CPEB3: variants seen among roughly 807,000 people sequenced by gnomAD.
CPEB3 encodes the protein cytoplasmic polyadenylation element binding protein 3.
In CPEB3, 20 loss-of-function variants were observed where a neutral mutation model predicts 67.2. That is an observed-to-expected ratio of 0.30 (90% CI 0.21 to 0.43). The LOEUF (loss-of-function observed/expected upper bound fraction) is 0.43, where lower values mean the gene tolerates loss of function less well. Ranked by LOEUF, CPEB3 falls within the 20% of genes least tolerant of loss-of-function variation. CPEB3 has a pLI of 1.00. For synonymous variants in CPEB3, 376 were observed against 393.1 expected (o/e 0.96, Z 0.51); for missense variants, 746 against 968.6 (o/e 0.77, Z 3.05).
At chr10:92,065,135 C>A (rs1842496086) in intron 9 of CPEB3, among the ~76,000 whole-genome samples, 1 of 152,126 alleles carries the variant, frequency 6.6e-6, no homozygotes, top group South Asian at 2.1e-4. Flanking sequence ...AGATAATGTC[C>A]CCCATATTGG....
intron 3 of CPEB3, among the ~76,000 whole-genome samples, chr10:92,187,788 CAT>C (rs1223433115): frequency 1.3e-5 from 2 of 152,170 alleles, no homozygotes; most frequent in Non-Finnish European, 2.9e-5. Flanking sequence ...CCTTAATCCT[CAT>C]AGTTATGAAG....
intron 6 of CPEB3, chr10:92,119,082 T>G (rs1845194465): frequency 6.3e-7 from 1 of 1,582,720 alleles, no homozygotes; most frequent in South Asian, 1.1e-5. Context: ...GGAAAAGGCC[T>G]GAAGATTCCC....
chr10:92,135,224 G>A (rs1024131375), intron 6 of CPEB3, among the ~76,000 whole-genome samples: 4 of 152,162 alleles, frequency 2.6e-5, no homozygotes, highest in African/African-American at 9.7e-5. Context: ...AGAGTGAGCA[G>A]GTAACCTACA....
intron 2 of CPEB3, among the ~76,000 whole-genome samples, chr10:92,200,650 T>C (rs573517605): frequency 6.6e-6 from 1 of 152,174 alleles, no homozygotes; most frequent in African/African-American, 2.4e-5. Context: ...TAAAGCTTTT[T>C]ATCAGATTGT....
chr10:92,166,112 C>CTT (rs869279355), intron 4 of CPEB3, among the ~76,000 whole-genome samples: 4 of 143,096 alleles, frequency 2.8e-5, no homozygotes, highest in Admixed American at 7.0e-5. Flanking sequence ...ATTTCTTTTT[C>CTT]TTTTTTTTTT....
chr10:92,132,608 A>T (rs758992226), intron 6 of CPEB3, among the ~76,000 whole-genome samples: 4 of 151,820 alleles, frequency 2.6e-5, no homozygotes, highest in Non-Finnish European at 4.4e-5. Flanking sequence ...AAATGGGGGA[A>T]GGTTAAGAAG....
At chr10:92,217,248 T>TATACACAC (rs1276898077) in intron 2 of CPEB3, among the ~76,000 whole-genome samples, 2 of 127,272 alleles carry the variant, frequency 1.6e-5, no homozygotes, top group African/African-American at 6.3e-5. Flanking sequence ...TATATATATA[T>TATACACAC]ACACACACAC....
chr10:92,099,118 T>C (rs1351930651), intron 7 of CPEB3, among the ~76,000 whole-genome samples: 1 of 151,772 alleles, frequency 6.6e-6, no homozygotes, highest in Non-Finnish European at 1.5e-5. Flanking sequence ...TATAGCTCCA[T>C]ATAAAAACTA....
At chr10:92,101,440 C>CA (rs1844184728) in intron 7 of CPEB3, among the ~76,000 whole-genome samples, 1 of 152,118 alleles carries the variant, frequency 6.6e-6, no homozygotes, top group Non-Finnish European at 1.5e-5. Context: ...AGCAGCACCC[C>CA]AGCTCATCCT....
chr10:92,130,588 C>A (rs1845800113), intron 6 of CPEB3, among the ~76,000 whole-genome samples: 1 of 151,406 alleles, frequency 6.6e-6, no homozygotes, highest in African/African-American at 2.4e-5. Flanking sequence ...TCCCACTCTG[C>A]TAGCTCAAAA....
chr10:92,105,172 A>G (rs1276455151), intron 7 of CPEB3, among the ~76,000 whole-genome samples: 2 of 152,258 alleles, frequency 1.3e-5, no homozygotes, highest in African/African-American at 4.8e-5. Flanking sequence ...GATATGGCTT[A>G]GCCGTGAATT....
rs190885748 is a variant in CPEB3, at chr10:92,173,332, C to T, written c.1222+7631G>A. Among the ~76,000 whole-genome samples, 5 of 152,234 alleles carry T rather than the reference C, an allele frequency of 3.3e-5. No homozygotes were observed. In the East Asian group the frequency reaches 9.6e-4, roughly 29 times the overall value. ...CTACCCAATACTGTCACTTTAGACA[C>T]ATTCACAAATACAAAGAACTTCTTC... is the stretch of plus-strand genomic sequence containing the variant. On this transcript the variant is annotated intron_variant, in intron 4 of 9. Coordinates refer to ENST00000265997, the MANE Select transcript of CPEB3 (RefSeq NM_014912.5).
intron 1 of CPEB3, among the ~76,000 whole-genome samples, chr10:92,251,389 T>TTCTC (rs140503056): frequency 6.8e-4 from 102 of 149,710 alleles, no homozygotes; most frequent in African/African-American, 2.4e-3. Context: ...TTCTCTCCTC[T>TTCTC]TCTCTCTCTC....
intron 7 of CPEB3, among the ~76,000 whole-genome samples, chr10:92,101,453 T>C (rs1463430811): frequency 6.6e-6 from 1 of 152,084 alleles, no homozygotes; most frequent in African/African-American, 2.4e-5. Flanking sequence ...CTCATCCTAA[T>C]AGCCAGGATG....
chr10:92,070,420 G>A (rs1449176932), intron 9 of CPEB3, among the ~76,000 whole-genome samples: 1 of 152,112 alleles, frequency 6.6e-6, no homozygotes, highest in Non-Finnish European at 1.5e-5. Flanking sequence ...TAATTGTAGG[G>A]ACTTTTTCCC....
At chr10:92,194,706 T>C (rs569826296) in intron 2 of CPEB3, among the ~76,000 whole-genome samples, 2 of 152,198 alleles carry the variant, frequency 1.3e-5, no homozygotes, top group African/African-American at 4.8e-5. Context: ...AAACTCTTCT[T>C]AGTACTCTGA....
chr10:92,112,350 G>A (rs1173042937), intron 6 of CPEB3, among the ~76,000 whole-genome samples: 1 of 151,924 alleles, frequency 6.6e-6, no homozygotes, highest in African/African-American at 2.4e-5. Flanking sequence ...TCACCATGTT[G>A]GCCAGGCTGG....
At chr10:92,062,908 A>C (rs1842408947) in intron 9 of CPEB3, among the ~76,000 whole-genome samples, 3 of 152,230 alleles carry the variant, frequency 2.0e-5, no homozygotes, top group Admixed American at 2.0e-4. Flanking sequence ...TTGCAGGCAA[A>C]GGAGATGAGA....
At chr10:92,085,438 T>C (rs1269808494) in intron 8 of CPEB3, among the ~76,000 whole-genome samples, 1 of 152,080 alleles carries the variant, frequency 6.6e-6, no homozygotes, top group Non-Finnish European at 1.5e-5. Flanking sequence ...ACATGCTGGC[T>C]CTTGTGATGA....
Sources: gnomAD v4.1 joint callset for allele counts (sites outside exome capture counted in the v4.1 genomes callset) on GRCh38, gnomAD v4.1.1 for gene constraint, MANE v1.5 for transcripts, NCBI Gene and HGNC (gene_info 2026-07-23, HGNC 2026-07-21) for gene names.